CCSER1: variants seen among roughly 807,000 people sequenced by gnomAD.
CCSER1 encodes the protein serine-rich coiled-coil domain-containing protein 1.
A neutral mutation model predicts 82.0 loss-of-function variants in CCSER1; 41 were observed. The ratio of observed to expected loss-of-function variants is 0.50; its 90% CI spans 0.39 to 0.65. The LOEUF (loss-of-function observed/expected upper bound fraction) is 0.65. Among genes scored for constraint, CCSER1 ranks in the 30% least tolerant of loss-of-function variants. The pLI, the probability that CCSER1 is intolerant of heterozygous loss-of-function variation, is 0.00. For synonymous variants in CCSER1, 414 were observed against 383.9 expected (o/e 1.08, Z -0.92); for missense variants, 1,119 against 1,064.2 (o/e 1.05, Z -0.72).
chr4:91,010,863 C>T lies in CCSER1; in HGVS notation c.2173-75087C>T, dbSNP rs1427769705. On this transcript the variant is annotated intron_variant, in intron 9 of 10. Coordinates refer to ENST00000509176, the MANE Select transcript of CCSER1 (RefSeq NM_001145065.2). The stretch of plus-strand genomic sequence containing the variant: ...TTTATCTGTACTCTCTTGTATCTCA[C>T]TGAGTTTCCTTAAGATCATGATTTT... Among the ~76,000 whole-genome samples, 3 of 134,572 alleles carry T rather than the reference C, an allele frequency of 2.2e-5. 1 individual carries two copies. The highest frequency in any genetic ancestry group is 7.4e-5 in the Admixed American group (1 of 13,550). 88.3% of individuals were successfully genotyped at this position (134,572 alleles called of 152,430 possible).
At chr4:91,289,828 T>A (rs1039809690) in intron 10 of CCSER1, among the ~76,000 whole-genome samples, 73 of 152,022 alleles carry the variant, frequency 4.8e-4, no homozygotes, top group African/African-American at 1.7e-3. Flanking sequence ...ACAAATTTTC[T>A]AAAATAATGG....
chr4:90,437,067 T>C (rs565651945), intron 4 of CCSER1, among the ~76,000 whole-genome samples: 1 of 152,096 alleles, frequency 6.6e-6, no homozygotes, highest in African/African-American at 2.4e-5. Context: ...GTGATCCACC[T>C]GCCTCAGCCT....
chr4:90,412,595 G>C (rs756316228), intron 4 of CCSER1, among the ~76,000 whole-genome samples: 14 of 150,198 alleles, frequency 9.3e-5, no homozygotes, highest in Admixed American at 2.0e-4. Flanking sequence ...TGCAGGGATG[G>C]TTTAACAGAT....
chr4:90,471,495 A>T (rs1308573577), intron 5 of CCSER1, among the ~76,000 whole-genome samples: 1 of 152,106 alleles, frequency 6.6e-6, no homozygotes, highest in Admixed American at 6.6e-5. Flanking sequence ...TCTTTTTAAT[A>T]TGGGAGATAC....
At chr4:90,698,008 A>T (rs1450741776) in intron 6 of CCSER1, among the ~76,000 whole-genome samples, 1 of 152,116 alleles carries the variant, frequency 6.6e-6, no homozygotes, top group African/African-American at 2.4e-5. Flanking sequence ...TTCATGGAGG[A>T]TTGGGCATTT....
intron 9 of CCSER1, among the ~76,000 whole-genome samples, chr4:91,036,852 G>T (rs972418000): frequency 6.6e-5 from 10 of 152,126 alleles, no homozygotes; most frequent in Admixed American, 1.3e-4. Context: ...ACCCAGGCAG[G>T]TGGGTCAGTT....
chr4:90,263,776 T>G (rs191387651), intron 1 of CCSER1, among the ~76,000 whole-genome samples: 1 of 152,170 alleles, frequency 6.6e-6, no homozygotes, highest in Admixed American at 6.5e-5. Flanking sequence ...TCCCAAAAGT[T>G]TATGTCCTTT....
intron 8 of CCSER1, among the ~76,000 whole-genome samples, chr4:90,920,879 C>T (rs1728281255): frequency 6.6e-6 from 1 of 151,692 alleles, no homozygotes; most frequent in African/African-American, 2.4e-5. Flanking sequence ...GGTGAAATTT[C>T]TGTATACTGA....
chr4:91,284,243 G>C (rs1743113643), intron 10 of CCSER1, among the ~76,000 whole-genome samples: 1 of 152,062 alleles, frequency 6.6e-6, no homozygotes, highest in African/African-American at 2.4e-5. Flanking sequence ...ATCATGCACA[G>C]TTGTGTTTTT....
intron 1 of CCSER1, among the ~76,000 whole-genome samples, chr4:90,150,126 C>A (rs926804355): frequency 3.9e-5 from 6 of 152,098 alleles, no homozygotes; most frequent in Non-Finnish European, 5.9e-5. Context: ...ATGAAAAACC[C>A]ACATAATAGC....
intron 8 of CCSER1, among the ~76,000 whole-genome samples, chr4:90,830,764 T>G (rs1761023533): frequency 6.6e-6 from 1 of 152,162 alleles, no homozygotes; most frequent in Admixed American, 6.6e-5. Flanking sequence ...CTTTTTTCTC[T>G]ATTGTATAAC....
intron 10 of CCSER1, among the ~76,000 whole-genome samples, chr4:91,384,490 AT>A (rs1298135037): frequency 3.9e-5 from 6 of 152,160 alleles, no homozygotes; most frequent in South Asian, 2.1e-4. Context: ...TTTTAAAAAA[AT>A]AAATGCTGTT....
chr4:90,848,701 T>A (rs919070723), intron 8 of CCSER1, among the ~76,000 whole-genome samples: 6 of 152,344 alleles, frequency 3.9e-5, no homozygotes, highest in Non-Finnish European at 5.9e-5. Flanking sequence ...CACCCAAATC[T>A]CACTTTCAAG....
At chr4:90,218,641 T>C (rs756087589) in intron 1 of CCSER1, among the ~76,000 whole-genome samples, 5 of 151,986 alleles carry the variant, frequency 3.3e-5, no homozygotes, top group Non-Finnish European at 5.9e-5. Flanking sequence ...TCCTTAGGAG[T>C]AGTTTACTCT....
chr4:90,232,181 A>G (rs576434446), intron 1 of CCSER1, among the ~76,000 whole-genome samples: 21 of 152,256 alleles, frequency 1.4e-4, no homozygotes, highest in African/African-American at 4.3e-4. Flanking sequence ...CCTAATCCAA[A>G]AGAACAAAGC....
rs914686034 is a variant in CCSER1 at position 91,347,806 on chromosome 4, T to C, written c.2218-250766T>C. Among the ~76,000 whole-genome samples the C allele has an allele frequency of 5.3e-5, 8 of 152,200 alleles. No individual in the cohort carries two copies. In the South Asian group the frequency reaches 8.3e-4, roughly 16 times the overall value. ...TAGTATTAAGAAAAAAATTGACTTT[T>C]GCTTATTAGTCTTATATCCTCCAAT... On this transcript the variant is annotated intron_variant, in intron 10 of 10. Coordinates refer to ENST00000509176, the MANE Select transcript of CCSER1 (RefSeq NM_001145065.2).
rs1056840826 is a variant in CCSER1 at position 91,468,561 on chromosome 4, T to G, written c.2218-130011T>G. Among the ~76,000 whole-genome samples the G allele has an allele frequency of 6.6e-5, 10 of 152,218 alleles. No individual in the cohort carries two copies. In the South Asian group the frequency reaches 2.1e-3, roughly 32 times the overall value. ...ATATTTATAACCATAGGAATAGTTTTTTTTGATAAAAAGAAGCAATCACAA... is the reference window on the plus strand; with the variant it reads ...ATATTTATAACCATAGGAATAGTTTGTTTTGATAAAAAGAAGCAATCACAA... On this transcript the variant is annotated intron_variant, in intron 10 of 10. Transcript: ENST00000509176.
At chr4:90,739,142 G>T (rs1177180359) in intron 7 of CCSER1, among the ~76,000 whole-genome samples, 1 of 152,214 alleles carries the variant, frequency 6.6e-6, no homozygotes, top group African/African-American at 2.4e-5. Context: ...GCCTGCTACT[G>T]CTCATTATTT....
At chr4:90,207,948 G>T (rs912473926) in intron 1 of CCSER1, among the ~76,000 whole-genome samples, 1 of 152,186 alleles carries the variant, frequency 6.6e-6, no homozygotes, top group African/African-American at 2.4e-5. Context: ...CTGCTGGGAG[G>T]TGTCTCCCAG....
Sources: allele counts gnomAD v4.1 joint callset (sites outside exome capture counted in the v4.1 genomes callset), GRCh38; gene constraint gnomAD v4.1.1; transcripts MANE v1.5; gene names NCBI Gene and HGNC (gene_info 2026-07-23, HGNC 2026-07-21).